The following INVS variants were observed in gnomAD, a reference collection of about 807,000 sequenced individuals.
INVS encodes inversin.
Under a neutral mutation model 108.8 loss-of-function variants are expected in INVS, and 86 were observed. The ratio of observed to expected loss-of-function variants is 0.79; its 90% CI spans 0.66 to 0.95. The LOEUF (loss-of-function observed/expected upper bound fraction) is 0.95, where lower values mean the gene tolerates loss of function less well. Among genes scored for constraint, INVS ranks in the 40% least tolerant of loss-of-function variants. The pLI is 0.00. For missense variants in INVS, 1,169 were observed against 1,297.4 expected (o/e 0.90, Z 1.52); for synonymous variants, 455 against 473.5 (o/e 0.96, Z 0.51).
chr9:100,100,256 A>G (rs918620721), intron 1 of INVS, among the ~76,000 whole-genome samples: 9 of 151,910 alleles, frequency 5.9e-5, no homozygotes, highest in Non-Finnish European at 1.3e-4. Flanking sequence ...AGAGCCCTGC[A>G]TAATGGCTTT....
At chr9:100,273,527 CTTTTTTTTTTT>C (rs58458085) in intron 12 of INVS, among the ~76,000 whole-genome samples, 7 of 96,322 alleles carry the variant, frequency 7.3e-5, no homozygotes, top group Admixed American at 1.2e-4. Flanking sequence ...CCACTCAGTT[CTTTTTTTTTTT>C]TTTTTTTTTT....
rs529641606 is a variant in INVS, at chr9:100,103,623, G to A, written c.-24-875G>A. ...AGCCTGGGTGACAGAGCAAGACCCT[G>A]TCTCGAAAAGACAAGAAGGGAGGAA... On this transcript the variant is annotated intron_variant, in intron 1 of 16. Coordinates refer to ENST00000262457, the MANE Select transcript of INVS (RefSeq NM_014425.5). Among the ~76,000 whole-genome samples, 31 of 147,966 alleles carry A rather than the reference G, an allele frequency of 2.1e-4. No individual in the cohort carries two copies. The South Asian group carries it at 6.2e-3, about 29-fold the overall frequency.
At position 100,300,565 on chromosome 9, in the gene INVS, C is replaced by T; in HGVS notation, c.3092-3C>T. ...ATATCTATCTGGTATTTGTTTTTAA[C>T]AGTGAGCAACCTACAGTGTATACAT... is the stretch of plus-strand genomic sequence containing the variant. On this transcript the variant is annotated splice_region_variant and splice_polypyrimidine_tract_variant and intron_variant, in intron 16 of 16. Coordinates refer to ENST00000262457, the MANE Select transcript of INVS (RefSeq NM_014425.5). 6.3e-7 allele frequency: 1 copy of T among 1,588,980 alleles called. No homozygotes were observed. The highest frequency in any genetic ancestry group is 8.6e-7 in the Non-Finnish European group (1 of 1,157,166).
intron 3 of INVS, among the ~76,000 whole-genome samples, chr9:100,150,213 T>G (rs1828765469): frequency 6.6e-6 from 1 of 152,212 alleles, no homozygotes; most frequent in Non-Finnish European, 1.5e-5. Flanking sequence ...AGATTTTGTT[T>G]TAAAATCTAC....
intron 3 of INVS, among the ~76,000 whole-genome samples, chr9:100,196,453 C>T (rs144982140): frequency 5.3e-5 from 8 of 152,138 alleles, no homozygotes; most frequent in Non-Finnish European, 8.8e-5. Flanking sequence ...TGGCTTGCTT[C>T]GGAAACTGTT....
At chr9:100,243,699 C>T (rs975561638) in intron 7 of INVS, among the ~76,000 whole-genome samples, 23 of 152,028 alleles carry the variant, frequency 1.5e-4, no homozygotes, top group Non-Finnish European at 2.5e-4. Context: ...TGAAACCCTT[C>T]GTTTCATCAA....
At position 100,293,345 on chromosome 9, in the gene INVS, CTT is replaced by C. The variant is rs374116427; in HGVS notation, c.2786+304_2786+305del. Among the ~76,000 whole-genome samples the C allele has an allele frequency of 7.2e-5, 11 of 152,314 alleles. No individual in the cohort carries two copies. In the South Asian group the frequency reaches 2.3e-3, roughly 32 times the overall value. Reference sequence around the variant, plus strand: ...AGGTAAGCTCTAACAGGTTATGTGACTTTGGGCAAATCACATGGCCCCCCTGA... The same window carrying C: ...AGGTAAGCTCTAACAGGTTATGTGACTGGGCAAATCACATGGCCCCCCTGA... On this transcript the variant is annotated intron_variant, in intron 14 of 16. Transcript: ENST00000262457.
At chr9:100,226,663 A>G (rs926897885) in intron 4 of INVS, among the ~76,000 whole-genome samples, 1 of 152,020 alleles carries the variant, frequency 6.6e-6, no homozygotes, top group Non-Finnish European at 1.5e-5. Flanking sequence ...AACTACAAAA[A>G]TTAGCCGGGC....
chr9:100,263,465 T>A (rs1214095343), intron 10 of INVS, among the ~76,000 whole-genome samples: 1 of 152,158 alleles, frequency 6.6e-6, no homozygotes, highest in Non-Finnish European at 1.5e-5. Context: ...CATTCCTCCA[T>A]CTTCAAAGCC....
Position 100,248,735 on chromosome 9 carries a change from T to C in INVS, c.1078+1948T>C, listed in dbSNP as rs1832127068. Among the ~76,000 whole-genome samples the C allele has an allele frequency of 4.6e-5, 7 of 152,268 alleles. No homozygotes were observed. The South Asian group carries it at 1.5e-3, about 32-fold the overall frequency. On this transcript the variant is annotated intron_variant, in intron 8 of 16. Transcript: ENST00000262457. ...CTTTGCAATGCTGGGCCTGGGTCTC[T>C]GTAAATCACATTTCCCCTTTGCCAC...
intron 8 of INVS, among the ~76,000 whole-genome samples, chr9:100,248,224 C>G (rs879278391): frequency 9.2e-5 from 14 of 152,290 alleles, no homozygotes; most frequent in South Asian, 2.1e-4. Context: ...ATATATTCTT[C>G]CACTTTATCA....
chr9:100,298,161 A>G (rs763000634), intron 16 of INVS, 151 bp downstream of exon 16: 8 of 1,539,954 alleles, frequency 5.2e-6, no homozygotes, highest in African/African-American at 2.7e-5. Context: ...TGTAGCCAAC[A>G]TCTGTCTCCC....
intron 5 of INVS, among the ~76,000 whole-genome samples, chr9:100,239,348 T>A (rs775127856): frequency 1.3e-5 from 2 of 152,290 alleles, no homozygotes; most frequent in East Asian, 3.9e-4. Flanking sequence ...GAGAAAGAAT[T>A]GCCAAAGGAT....
At chr9:100,229,965 C>A (rs919338331) in intron 5 of INVS, 138 bp downstream of exon 5, 2 of 792,114 alleles carry the variant, frequency 2.5e-6, no homozygotes, top group Non-Finnish European at 4.1e-6. Flanking sequence ...TGGACTCATC[C>A]CCCAAGAAGT....
chr9:100,293,564 T>A (rs184753403), intron 14 of INVS, among the ~76,000 whole-genome samples: 1 of 152,252 alleles, frequency 6.6e-6, no homozygotes, highest in Non-Finnish European at 1.5e-5. Flanking sequence ...TAAACCAGGG[T>A]CTGGATATAA....
At chr9:100,140,769 T>C (rs1307949348) in intron 3 of INVS, among the ~76,000 whole-genome samples, 1 of 151,850 alleles carries the variant, frequency 6.6e-6, no homozygotes, top group Non-Finnish European at 1.5e-5. Flanking sequence ...GAAGGAAGAT[T>C]TTGTGGTAAG....
At chr9:100,139,950 C>T (rs777731194) in intron 3 of INVS, among the ~76,000 whole-genome samples, 7 of 152,156 alleles carry the variant, frequency 4.6e-5, no homozygotes, top group African/African-American at 7.2e-5. Flanking sequence ...GACAAAATAA[C>T]CACTTTAAAG....
chr9:100,134,836 A>G (rs1261269100), intron 3 of INVS, among the ~76,000 whole-genome samples: 1 of 152,220 alleles, frequency 6.6e-6, no homozygotes, highest in Non-Finnish European at 1.5e-5. Flanking sequence ...CTACAATGGA[A>G]CACTGCATGA....
At chr9:100,286,318 C>T (rs1362608690) in intron 13 of INVS, among the ~76,000 whole-genome samples, 1 of 152,138 alleles carries the variant, frequency 6.6e-6, no homozygotes, top group Non-Finnish European at 1.5e-5. Flanking sequence ...CTTTGGGAGG[C>T]TGGGGCAGGT....
Sources: allele counts gnomAD v4.1 joint callset (sites outside exome capture counted in the v4.1 genomes callset), GRCh38; gene constraint gnomAD v4.1.1; transcripts MANE v1.5; gene names NCBI Gene and HGNC (gene_info 2026-07-23, HGNC 2026-07-21).